The following MEGF11 variants were observed in gnomAD, a reference collection of about 807,000 sequenced individuals.
The protein encoded by MEGF11 is multiple EGF like domains 11.
MEGF11 carries 126 observed loss-of-function variants against 146.6 expected under a neutral mutation model. The observed-to-expected ratio is 0.86, with a 90% confidence interval of 0.74 to 1.00. MEGF11 has a LOEUF of 1.00. MEGF11 is among the 50% of genes least tolerant of loss of function. The pLI is 0.00. For synonymous variants in MEGF11, 532 were observed against 583.4 expected, an observed-to-expected ratio of 0.91 and a Z score of 1.27; for missense variants, 1,509 against 1,521.2, an observed-to-expected ratio of 0.99 and a Z score of 0.13.
At chr15:66,003,388 A>G (rs540826874) in intron 5 of MEGF11, among the ~76,000 whole-genome samples, 10 of 152,018 alleles carry the variant, frequency 6.6e-5, no homozygotes, top group Admixed American at 2.0e-4. Context: ...TGAGTTATGG[A>G]GGTTTTCCTT....
At chr15:66,246,423 G>T (rs909780103) in intron 1 of MEGF11, among the ~76,000 whole-genome samples, 1 of 152,102 alleles carries the variant, frequency 6.6e-6, no homozygotes, top group African/African-American at 2.4e-5. Context: ...AAGGGGAGAT[G>T]ACTTGAGAGG....
intron 1 of MEGF11, among the ~76,000 whole-genome samples, chr15:66,228,465 C>T (rs1458037664): frequency 6.6e-6 from 1 of 152,078 alleles, no homozygotes; most frequent in Non-Finnish European, 1.5e-5. Flanking sequence ...GAGGGGGTGC[C>T]CATGCACTCA....
intron 5 of MEGF11, among the ~76,000 whole-genome samples, chr15:66,071,922 G>A (rs996431480): frequency 1.3e-5 from 2 of 152,276 alleles, no homozygotes; most frequent in African/African-American, 4.8e-5. Context: ...AGCATCTGAC[G>A]GAATAAATGA....
chr15:66,128,539 C>T (rs914315023), intron 1 of MEGF11, 128 bp from the exon 2 acceptor site: 7 of 486,860 alleles, frequency 1.4e-5, no homozygotes, highest in Non-Finnish European at 1.7e-5. Flanking sequence ...AACACTGTAA[C>T]AGTTCACTGG....
chr15:66,250,598 A>G (rs1844797458), intron 1 of MEGF11, among the ~76,000 whole-genome samples: 1 of 152,188 alleles, frequency 6.6e-6, no homozygotes, highest in Non-Finnish European at 1.5e-5. Flanking sequence ...TGAAGCAGCT[A>G]GAAGTTATGG....
At chr15:66,144,649 C>A (rs992171782) in intron 1 of MEGF11, among the ~76,000 whole-genome samples, 3 of 152,164 alleles carry the variant, frequency 2.0e-5, no homozygotes, top group Non-Finnish European at 2.9e-5. Flanking sequence ...CAGCAACAGG[C>A]ACAGGGCAGA....
At chr15:66,134,564 C>G (rs575648213) in intron 1 of MEGF11, among the ~76,000 whole-genome samples, 63 of 152,306 alleles carry the variant, frequency 4.1e-4, no homozygotes, top group Non-Finnish European at 6.8e-4. Context: ...CCCTCATGCC[C>G]TGCATTAAAT....
intron 5 of MEGF11, among the ~76,000 whole-genome samples, chr15:65,996,990 C>A (rs2082219388): frequency 6.6e-6 from 1 of 152,220 alleles, no homozygotes; most frequent in African/African-American, 2.4e-5. Flanking sequence ...TGGGCCCCAC[C>A]TATCGGTGGG....
intron 5 of MEGF11, among the ~76,000 whole-genome samples, chr15:65,985,896 AAC>A (rs1213567768): frequency 6.6e-6 from 1 of 151,950 alleles, no homozygotes; most frequent in Non-Finnish European, 1.5e-5. Context: ...GCTTTCTCAC[AAC>A]ACAGACTGGC....
chr15:66,160,707 C>CACACA (rs1555477714), intron 1 of MEGF11, among the ~76,000 whole-genome samples: 3,180 of 88,202 alleles, frequency 0.036, 114 homozygotes, highest in African/African-American at 0.11. Flanking sequence ...ACACACACAC[C>CACACA]CTTGCCCTAG....
At chr15:66,119,221 T>C in intron 3 of MEGF11, 35 bp from the exon 4 acceptor site, 1 of 1,387,954 alleles carries the variant, frequency 7.2e-7, no homozygotes, top group Non-Finnish European at 1.0e-6. Flanking sequence ...TTGAAAGTAT[T>C]GAAAATCAAT....
chr15:65,993,767 G>C (rs1326437099), intron 5 of MEGF11, among the ~76,000 whole-genome samples: 1 of 152,204 alleles, frequency 6.6e-6, no homozygotes, highest in Non-Finnish European at 1.5e-5. Flanking sequence ...TGGAAGTTGT[G>C]GGGTCCAAGC....
At chr15:66,039,770 G>A (rs1160412607) in intron 5 of MEGF11, among the ~76,000 whole-genome samples, 1 of 149,124 alleles carries the variant, frequency 6.7e-6, no homozygotes, top group East Asian at 2.0e-4. Context: ...GGCGGCGGTG[G>A]GGTGACGGTC....
chr15:66,202,955 C>G (rs549085624), intron 1 of MEGF11, among the ~76,000 whole-genome samples: 119 of 152,330 alleles, frequency 7.8e-4, no homozygotes, highest in African/African-American at 2.7e-3. Flanking sequence ...CTAGAGGCAT[C>G]TGGCTGTAAG....
At chr15:66,208,413 G>C (rs1342455351) in intron 1 of MEGF11, among the ~76,000 whole-genome samples, 1 of 151,526 alleles carries the variant, frequency 6.6e-6, no homozygotes, top group Non-Finnish European at 1.5e-5. Flanking sequence ...TAATCCCCAA[G>C]AAGACCAGAA....
At position 65,898,907 on chromosome 15, in the gene MEGF11, G is replaced by A. The variant is rs901128170; in HGVS notation, c.3083C>T (p.Ser1028Phe). The change falls in exon 25 of 26, where the codon TCT becomes TTT. Residue 1028 changes from serine (S) to phenylalanine (F), a missense_variant. Physicochemically the swap from Ser to Phe is radical, Grantham distance 155. Transcript: ENST00000395614. Reference sequence around the variant, plus strand: ...ACTGCTATTCAAGGAACAAGTACTAGAACTGCACACGGATTCTTTCATGTA... The same window carrying A: ...ACTGCTATTCAAGGAACAAGTACTAAAACTGCACACGGATTCTTTCATGTA... ...KDYMKESVCS[S>F]STCSLNSSEN... The A allele has an allele frequency of 3.1e-6, 5 of 1,613,908 alleles. No individual in the cohort carries two copies. The highest frequency in any genetic ancestry group is 1.6e-4 in the Middle Eastern group (1 of 6,062).
chr15:66,156,987 T>G (rs569122544), intron 1 of MEGF11, among the ~76,000 whole-genome samples: 29 of 152,276 alleles, frequency 1.9e-4, no homozygotes, highest in Admixed American at 1.8e-3. Flanking sequence ...AAGCTCTCTC[T>G]TCTTCACTGA....
chr15:66,152,360 T>G (rs893212498), intron 1 of MEGF11, among the ~76,000 whole-genome samples: 3 of 152,114 alleles, frequency 2.0e-5, no homozygotes, highest in Admixed American at 1.3e-4. Flanking sequence ...GAACTGGGCA[T>G]GGATCCCAGA....
intron 1 of MEGF11, among the ~76,000 whole-genome samples, chr15:66,134,900 G>A (rs920071090): frequency 1.3e-5 from 2 of 152,268 alleles, no homozygotes; most frequent in Non-Finnish European, 2.9e-5. Context: ...TTCCCTGAAA[G>A]GGAGGTGACT....
Sources: allele counts gnomAD v4.1 joint callset (sites outside exome capture counted in the v4.1 genomes callset), GRCh38; gene constraint gnomAD v4.1.1; transcripts MANE v1.5; gene names NCBI Gene and HGNC (gene_info 2026-07-23, HGNC 2026-07-21).